The following EFNA5 variants were observed in gnomAD, a reference collection of about 807,000 sequenced individuals.
EFNA5 encodes ephrin A5.
Under a neutral mutation model 22.9 loss-of-function variants are expected in EFNA5, and 5 were observed. That is an observed-to-expected ratio of 0.22 (90% CI 0.11 to 0.46). The LOEUF (loss-of-function observed/expected upper bound fraction) is 0.46, where lower values mean the gene tolerates loss of function less well. EFNA5 is among the 20% of genes least tolerant of loss of function. The pLI is 0.99. For missense variants in EFNA5, 237 were observed against 293.3 expected (o/e 0.81, Z 1.40); for synonymous variants, 113 against 112.2 (o/e 1.01, Z -0.04).
At chr5:107,630,271 A>T (rs1432461655) in intron 1 of EFNA5, among the ~76,000 whole-genome samples, 3 of 152,202 alleles carry the variant, frequency 2.0e-5, no homozygotes, top group Non-Finnish European at 4.4e-5. Context: ...CTGAGAAATC[A>T]TTAGGTGATT....
chr5:107,402,183 G>T (rs2112390409), intron 2 of EFNA5, among the ~76,000 whole-genome samples: 1 of 152,104 alleles, frequency 6.6e-6, no homozygotes, highest in East Asian at 1.9e-4. Context: ...ATTCAATTCT[G>T]GTAAATGTCT....
intron 1 of EFNA5, among the ~76,000 whole-genome samples, chr5:107,666,694 G>A (rs1411941718): frequency 6.6e-6 from 1 of 152,046 alleles, no homozygotes; most frequent in African/African-American, 2.4e-5. Flanking sequence ...ATTTGCTGCT[G>A]TATTATTTGA....
rs555957094 is a variant in EFNA5 at position 107,417,257 on chromosome 5, C to A, written c.418+9960G>T. On this transcript the variant is annotated intron_variant, in intron 2 of 4. Transcript: ENST00000333274. ...AGTAAAATGAAAAGATATTATCATT[C>A]CAATTCCCAACAATAATAGACCTGG... Among the ~76,000 whole-genome samples the A allele has an allele frequency of 1.1e-4, 17 of 152,194 alleles. No individual in the cohort carries two copies. In the South Asian group the frequency reaches 2.5e-3, roughly 22 times the overall value.
intron 1 of EFNA5, among the ~76,000 whole-genome samples, chr5:107,500,149 C>T (rs1747098761): frequency 6.6e-6 from 1 of 152,172 alleles, no homozygotes. Context: ...AAAGCAGAAC[C>T]TCCATTGTGA....
intron 2 of EFNA5, among the ~76,000 whole-genome samples, chr5:107,425,628 T>G (rs1333158104): frequency 6.6e-6 from 1 of 152,204 alleles, no homozygotes; most frequent in Admixed American, 6.5e-5. Flanking sequence ...GGATCAAATG[T>G]GAGATAGTAT....
chr5:107,538,334 C>T (rs1316194311), intron 1 of EFNA5, among the ~76,000 whole-genome samples: 1 of 152,214 alleles, frequency 6.6e-6, no homozygotes, highest in Non-Finnish European at 1.5e-5. Flanking sequence ...CTGATGTTTA[C>T]TGAGTACTTA....
At chr5:107,590,974 G>A (rs137960768) in intron 1 of EFNA5, among the ~76,000 whole-genome samples, 2 of 152,270 alleles carry the variant, frequency 1.3e-5, no homozygotes, top group African/African-American at 4.8e-5. Context: ...AGAGGGGAGT[G>A]TATGTGTGAA....
intron 1 of EFNA5, among the ~76,000 whole-genome samples, chr5:107,511,404 T>A (rs1296749978): frequency 2.6e-5 from 4 of 152,144 alleles, no homozygotes; most frequent in Admixed American, 2.0e-4. Flanking sequence ...AACACATTTT[T>A]AAAGTAAATG....
chr5:107,621,295 G>C, intron 1 of EFNA5, among the ~76,000 whole-genome samples: 1 of 152,152 alleles, frequency 6.6e-6, no homozygotes, highest in East Asian at 1.9e-4. Flanking sequence ...GCCGGCTTCT[G>C]CTTCCAGCCC....
intron 1 of EFNA5, among the ~76,000 whole-genome samples, chr5:107,666,694 G>C (rs1411941718): frequency 6.6e-6 from 1 of 152,046 alleles, no homozygotes; most frequent in African/African-American, 2.4e-5. Flanking sequence ...ATTTGCTGCT[G>C]TATTATTTGA....
chr5:107,604,939 T>A (rs1006212678), intron 1 of EFNA5, among the ~76,000 whole-genome samples: 3 of 152,130 alleles, frequency 2.0e-5, no homozygotes, highest in Admixed American at 2.0e-4. Flanking sequence ...TCTCTCCCAA[T>A]CTACAAATGG....
At chr5:107,525,686 A>G (rs13178589) in intron 1 of EFNA5, among the ~76,000 whole-genome samples, 18,808 of 152,208 alleles carry the variant, frequency 0.12, 1,524 homozygotes, top group Non-Finnish European at 0.17. Flanking sequence ...CATTCTCATC[A>G]TCTTCATCAT....
chr5:107,535,280 G>A (rs1171808589), intron 1 of EFNA5, among the ~76,000 whole-genome samples: 1 of 152,134 alleles, frequency 6.6e-6, no homozygotes, highest in African/African-American at 2.4e-5. Flanking sequence ...AGAGGTTGGA[G>A]GCCTAATGAC....
chr5:107,556,792 A>ATAT (rs1217497899), intron 1 of EFNA5, among the ~76,000 whole-genome samples: 2 of 116,170 alleles, frequency 1.7e-5, no homozygotes, highest in Non-Finnish European at 4.0e-5. Context: ...AAATAAATAA[A>ATAT]ATAAAATAAA....
intron 1 of EFNA5, among the ~76,000 whole-genome samples, chr5:107,662,572 T>G (rs1403391445): frequency 6.6e-6 from 1 of 152,084 alleles, no homozygotes; most frequent in Non-Finnish European, 1.5e-5. Context: ...TATACTCTCA[T>G]AATTTTTAGT....
chr5:107,472,441 A>G (rs531915079), intron 1 of EFNA5, among the ~76,000 whole-genome samples: 70 of 152,350 alleles, frequency 4.6e-4, no homozygotes, highest in African/African-American at 1.6e-3. Flanking sequence ...AGAAGTTGTT[A>G]GTAAAGGTCT....
chr5:107,473,241 T>TC (rs1232238965), intron 1 of EFNA5, among the ~76,000 whole-genome samples: 2 of 149,178 alleles, frequency 1.3e-5, no homozygotes, highest in African/African-American at 5.0e-5. Flanking sequence ...GCCACATCAT[T>TC]CCCCATTGCT....
At chr5:107,557,487 C>T (rs964228013) in intron 1 of EFNA5, among the ~76,000 whole-genome samples, 1 of 152,220 alleles carries the variant, frequency 6.6e-6, no homozygotes, top group Non-Finnish European at 1.5e-5. Flanking sequence ...AATTCCGAGA[C>T]TGCGGTGCCT....
intron 4 of EFNA5, among the ~76,000 whole-genome samples, chr5:107,386,729 AAGTTCCTTAGGTC>A (rs2112487082): frequency 6.6e-6 from 1 of 152,316 alleles, no homozygotes; most frequent in African/African-American, 2.4e-5. Context: ...AAATAAAATA[AAGTTCCTTAGGTC>A]AGTTCAATGA....
Sources: gnomAD v4.1 joint callset for allele counts (sites outside exome capture counted in the v4.1 genomes callset) on GRCh38, gnomAD v4.1.1 for gene constraint, MANE v1.5 for transcripts, NCBI Gene and HGNC (gene_info 2026-07-23, HGNC 2026-07-21) for gene names.